ATRN: variants seen among roughly 807,000 people sequenced by gnomAD.
The protein encoded by ATRN is attractin-2.
A neutral mutation model predicts 178.7 loss-of-function variants in ATRN; 54 were observed. That is an observed-to-expected ratio of 0.30 (90% CI 0.24 to 0.38). ATRN has a LOEUF of 0.38. Among genes scored for constraint, ATRN ranks in the 10% least tolerant of loss-of-function variants. The probability of loss-of-function intolerance (pLI) is 1.00; values close to 1 mark genes in which losing one functional copy is unlikely to be tolerated. For missense variants in ATRN, 1,443 were observed against 1,815.1 expected, an observed-to-expected ratio of 0.79 and a Z score of 3.73; for synonymous variants, 636 against 663.0, an observed-to-expected ratio of 0.96 and a Z score of 0.63.
chr20:3,519,098 A>G (rs1400453042), intron 1 of ATRN, among the ~76,000 whole-genome samples: 1 of 151,734 alleles, frequency 6.6e-6, no homozygotes, highest in Non-Finnish European at 1.5e-5. Flanking sequence ...CCATTGTAGC[A>G]AGAGGCAAGG....
At chr20:3,635,535 G>C (rs1271674855) in intron 26 of ATRN, among the ~76,000 whole-genome samples, 3 of 152,132 alleles carry the variant, frequency 2.0e-5, no homozygotes, top group Non-Finnish European at 4.4e-5. Context: ...ATGCTCACGT[G>C]TATATAAGAT....
chr20:3,507,694 A>ATTT (rs55823401), intron 1 of ATRN, among the ~76,000 whole-genome samples: 69 of 114,686 alleles, frequency 6.0e-4, no homozygotes, highest in Non-Finnish European at 7.3e-4. Flanking sequence ...AGTTAAAAAT[A>ATTT]TTTTTTTTTT....
At chr20:3,574,722 G>A (rs558981318) in intron 12 of ATRN, among the ~76,000 whole-genome samples, 2 of 152,300 alleles carry the variant, frequency 1.3e-5, no homozygotes, top group South Asian at 2.1e-4. Flanking sequence ...AATTACCTTA[G>A]GTGTTCATAT....
rs1290090939 is a variant in ATRN, at chr20:3,547,327, A to G, written c.781A>G (p.Lys261Glu). 2 of 1,614,148 alleles carry G rather than the reference A, an allele frequency of 1.2e-6. No individual in the cohort carries two copies. The highest frequency in any genetic ancestry group is 2.2e-5 in the South Asian group (2 of 91,082). Reference sequence around the variant, plus strand: ...TAACTGCTCAGGCCGAGGAGAGTGTAAGATCAGTAATAGCAGCGATACTGT... The same window carrying G: ...TAACTGCTCAGGCCGAGGAGAGTGTGAGATCAGTAATAGCAGCGATACTGT... ...PNNCSGRGECKISNSSDTVEC... is the reference protein window; with the variant it reads ...PNNCSGRGECEISNSSDTVEC... The change falls in exon 5 of 29, where the codon AAG becomes GAG. Residue 261 changes from lysine (K) to glutamate (E), a missense_variant. This residue lies in a region of ATRN where 862 missense variants were observed against 972.1 expected (regional missense o/e 0.89). Transcript: ENST00000262919.
chr20:3,604,728 A>G (rs1245166615), intron 24 of ATRN, among the ~76,000 whole-genome samples: 1 of 152,218 alleles, frequency 6.6e-6, no homozygotes, highest in Non-Finnish European at 1.5e-5. Context: ...GAAGAACATC[A>G]GCCTTCTAGT....
chr20:3,584,118 T>C (rs1310504186), intron 17 of ATRN, 35 bp downstream of exon 17: 1 of 1,602,986 alleles, frequency 6.2e-7, no homozygotes, highest in Non-Finnish European at 8.5e-7. Context: ...CACTTATGCA[T>C]GCCCTCTGTA....
intron 21 of ATRN, among the ~76,000 whole-genome samples, chr20:3,597,074 A>ATATATATATATATATATAT (rs1555822793): frequency 6.8e-6 from 1 of 147,010 alleles, no homozygotes; most frequent in African/African-American, 2.5e-5. Context: ...ATATATATAT[A>ATATATATATATATATATAT]AAACTTCTAA....
At chr20:3,510,539 A>G (rs904234343) in intron 1 of ATRN, among the ~76,000 whole-genome samples, 6 of 152,202 alleles carry the variant, frequency 3.9e-5, no homozygotes, top group Non-Finnish European at 7.4e-5. Flanking sequence ...TTTTTTAATG[A>G]TATTGACATT....
At chr20:3,592,774 G>T (rs578053280) in intron 19 of ATRN, among the ~76,000 whole-genome samples, 4 of 152,240 alleles carry the variant, frequency 2.6e-5, no homozygotes, top group Non-Finnish European at 5.9e-5. Context: ...TAATAGGGTG[G>T]TTGTTAAGAT....
At chr20:3,489,459 G>T (rs2084750350) in intron 1 of ATRN, 2 of 877,734 alleles carry the variant, frequency 2.3e-6, no homozygotes, top group Non-Finnish European at 3.9e-6. Flanking sequence ...GAATTTGGTT[G>T]GGAGAAATAG....
At chr20:3,580,215 G>A (rs1683064194) in intron 15 of ATRN, among the ~76,000 whole-genome samples, 4 of 152,108 alleles carry the variant, frequency 2.6e-5, no homozygotes, top group Admixed American at 2.6e-4. Context: ...GAAAATGGAT[G>A]GCACCCAGCT....
Position 3,632,552 on chromosome 20 carries a change from C to G in ATRN, c.3864-1759C>G, listed in dbSNP as rs1267838051. 6.6e-6 allele frequency among the ~76,000 whole-genome samples: 1 copy of G among 152,156 alleles called. No homozygotes were observed. The highest frequency in any genetic ancestry group is 1.9e-4 in the East Asian group (1 of 5,188). Reference sequence around the variant, plus strand: ...ATGCACTTTTGCAGGCGTCCATGAGCCACCTCCCATACCTTCTCCAAGTCT... The same window carrying G: ...ATGCACTTTTGCAGGCGTCCATGAGGCACCTCCCATACCTTCTCCAAGTCT... On this transcript the variant is annotated intron_variant, in intron 25 of 28. Coordinates refer to ENST00000262919, the MANE Select transcript of ATRN (RefSeq NM_139321.3). The surrounding 1 kb of genome is among the most constrained non-coding windows in gnomAD (Gnocchi z 4.2).
intron 19 of ATRN, chr20:3,592,315 G>A (rs756441096): frequency 9.7e-6 from 3 of 309,498 alleles, no homozygotes; most frequent in Non-Finnish European, 1.4e-5. Context: ...CATGAGAATT[G>A]CTTGAACCTG....
intron 20 of ATRN, 115 bp from the exon 21 acceptor site, chr20:3,596,262 C>T: frequency 1.9e-6 from 2 of 1,063,324 alleles, no homozygotes; most frequent in East Asian, 4.9e-5. Context: ...GTGAAGGATG[C>T]AATTATAATG....
At chr20:3,596,350 T>C in intron 20 of ATRN, 27 bp from the exon 21 acceptor site, 2 of 1,600,656 alleles carry the variant, frequency 1.2e-6, no homozygotes, top group Non-Finnish European at 1.7e-6. Context: ...TAAATAGCAG[T>C]ATAAAATAGT....
In ATRN at chr20:3,594,499, G is replaced by A. The variant is rs542303820; in HGVS notation, c.3343G>A (p.Ala1115Thr). ...TGCAGCATGCAAGTGCAATGGGCAC[G>A]CGTCTCTGTGCAACACCAACACGGG... ...KCQPCKCNGHASLCNTNTGKC... is the reference protein window; with the variant it reads ...KCQPCKCNGHTSLCNTNTGKC... Residue 1115 changes from alanine to threonine, a missense_variant, in exon 20 of 29, where the codon GCG becomes ACG. This residue lies in a region of ATRN where 289 missense variants were observed against 440.8 expected (regional missense o/e 0.66). Coordinates refer to ENST00000262919, the MANE Select transcript of ATRN (RefSeq NM_139321.3). 24 of 1,611,182 alleles carry A rather than the reference G, an allele frequency of 1.5e-5. No individual in the cohort carries two copies. Among genetic ancestry groups the A allele is most frequent in the East Asian group, 4.5e-5 (2 of 44,812 alleles).
At chr20:3,636,737 C>CA (rs1355355977) in intron 26 of ATRN, among the ~76,000 whole-genome samples, 1 of 152,198 alleles carries the variant, frequency 6.6e-6, no homozygotes, top group Non-Finnish European at 1.5e-5. Flanking sequence ...AAGTGACTTA[C>CA]ACCACATAGT....
intron 3 of ATRN, among the ~76,000 whole-genome samples, chr20:3,544,833 T>G (rs1366258690): frequency 2.0e-5 from 3 of 151,692 alleles, no homozygotes; most frequent in East Asian, 1.9e-4. Context: ...AAGGTTTTTT[T>G]TTTTTTTTTT....
At chr20:3,547,538 C>T (rs781742757) in intron 5 of ATRN, 49 bp downstream of exon 5, 1 of 1,395,530 alleles carries the variant, frequency 7.2e-7, no homozygotes, top group Non-Finnish European at 1.0e-6. Flanking sequence ...TAGAACATTC[C>T]CACTAAATAA....
Sources: allele counts gnomAD v4.1 joint callset (sites outside exome capture counted in the v4.1 genomes callset), GRCh38; gene constraint gnomAD v4.1.1; regional missense constraint gnomAD v4.1.1; non-coding constraint Gnocchi (gnomAD v3.1); transcripts MANE v1.5; gene names NCBI Gene and HGNC (gene_info 2026-07-23, HGNC 2026-07-21).